The following EDA variants were observed in gnomAD, a reference collection of about 807,000 sequenced individuals.
EDA encodes ectodysplasin A.
In EDA, 2 loss-of-function variants were observed where a neutral mutation model predicts 23.6. The ratio of observed to expected loss-of-function variants is 0.08; its 90% confidence interval spans 0.03 to 0.27. The LOEUF (loss-of-function observed/expected upper bound fraction) is 0.27, where lower values mean the gene tolerates loss of function less well. EDA is among the 10% of genes least tolerant of loss of function. EDA has a pLI of 1.00. For missense variants in EDA, 229 were observed against 324.2 expected (o/e 0.71, Z 2.26); for synonymous variants, 131 against 132.0 (o/e 0.99, Z 0.05).
intron 2 of EDA, among the ~76,000 whole-genome samples, chrX:69,998,332 A>G: frequency 8.9e-6 from 1 of 112,503 alleles, no homozygotes; most frequent in Non-Finnish European, 1.9e-5. Flanking sequence ...TCAGACTTGC[A>G]TGGGGCCTGT....
At chrX:69,960,644 G>T (rs2019085952) in intron 2 of EDA, among the ~76,000 whole-genome samples, 1 of 109,889 alleles carries the variant, frequency 9.1e-6, no homozygotes, top group African/African-American at 3.3e-5. Flanking sequence ...AATCATAGTG[G>T]GGTGAGTTAT....
chrX:69,721,413 T>A lies in EDA; in HGVS notation c.396+104709T>A, dbSNP rs148639915. The stretch of plus-strand genomic sequence containing the variant: ...ATGGAATATTTTGAATCCATAGGGA[T>A]AAAGAGGCTTCTCAGAGCAGGCTGC... On this transcript the variant is annotated intron_variant, in intron 1 of 7. Transcript: ENST00000374552. 5.7e-3 allele frequency among the ~76,000 whole-genome samples: 632 copies of A among 111,414 alleles called. 5 individuals are homozygous for A. The highest frequency in any genetic ancestry group is 9.0e-3 in the Non-Finnish European group (477 of 52,960).
chrX:69,792,915 T>TG (rs1321010019), intron 1 of EDA, among the ~76,000 whole-genome samples: 2 of 112,401 alleles, frequency 1.8e-5, no homozygotes, highest in Non-Finnish European at 3.8e-5. Flanking sequence ...TCCCACTCTG[T>TG]GGGTTTCCTG....
intron 1 of EDA, among the ~76,000 whole-genome samples, chrX:69,936,276 G>C (rs1468520428): frequency 9.0e-6 from 1 of 110,813 alleles, no homozygotes; most frequent in Non-Finnish European, 1.9e-5. Context: ...GCAGATCAAG[G>C]GAAGTGTGCT....
intron 1 of EDA, chrX:69,937,616 C>A (rs2018693303): frequency 8.9e-7 from 1 of 1,122,259 alleles, no homozygotes; most frequent in Non-Finnish European, 1.2e-6. Context: ...CTGCAAAGTA[C>A]TGGGTCTCAA....
intron 1 of EDA, among the ~76,000 whole-genome samples, chrX:69,816,107 A>C (rs752015105): frequency 9.0e-6 from 1 of 111,642 alleles, no homozygotes; most frequent in African/African-American, 3.3e-5. Context: ...GGCAGCCCTG[A>C]GGTAGAGTGG....
In EDA at chrX:70,035,731, C is replaced by T. The variant is rs968850254; in HGVS notation, c.*122C>T. The T allele has an allele frequency of 3.4e-5, 31 of 913,371 alleles. No homozygotes were observed. Among genetic ancestry groups the T allele is most frequent in the Non-Finnish European group, 4.7e-5 (31 of 653,549 alleles). 75.3% of individuals were successfully genotyped at this position (913,371 alleles called of 1,213,427 possible). On this transcript the variant is annotated 3_prime_UTR_variant, in exon 8 of 8. Transcript: ENST00000374552. ...GTGTTGCAGCCGCAGAGAAATGCCC[C>T]AGTGTTATTTATTCCCCAGTGACTC...
At chrX:69,828,906 G>T (rs932442858) in intron 1 of EDA, among the ~76,000 whole-genome samples, 1 of 112,055 alleles carries the variant, frequency 8.9e-6, no homozygotes, top group African/African-American at 3.2e-5. Context: ...TGCCTAAAAT[G>T]TTCTTCTCCT....
chrX:69,706,030 C>T (rs1303160511), intron 1 of EDA, among the ~76,000 whole-genome samples: 1 of 112,148 alleles, frequency 8.9e-6, no homozygotes, highest in Non-Finnish European at 1.9e-5. Context: ...ATTGTAAGAG[C>T]TTCTAATAAG....
chrX:69,787,974 G>A (rs2015255104), intron 1 of EDA, among the ~76,000 whole-genome samples: 1 of 111,244 alleles, frequency 9.0e-6, no homozygotes, highest in Non-Finnish European at 1.9e-5. Flanking sequence ...CATATTTCTT[G>A]GAGGCTTTGT....
chrX:69,868,821 G>A (rs1201017254), intron 1 of EDA, among the ~76,000 whole-genome samples: 1 of 112,348 alleles, frequency 8.9e-6, no homozygotes, highest in Admixed American at 9.4e-5. Context: ...ACCAGGTACC[G>A]GTAGATGTGT....
At chrX:69,645,060 C>CT (rs752571528) in intron 1 of EDA, among the ~76,000 whole-genome samples, 2 of 110,666 alleles carry the variant, frequency 1.8e-5, no homozygotes, top group African/African-American at 6.6e-5. Context: ...CTAACGTTTT[C>CT]TTTTTTTTGT....
intron 1 of EDA, among the ~76,000 whole-genome samples, chrX:69,773,765 G>C (rs1281736976): frequency 9.0e-6 from 1 of 110,855 alleles, no homozygotes; most frequent in East Asian, 2.8e-4. Flanking sequence ...TTTGTGTGTT[G>C]AATTATAAGA....
chrX:69,865,528 G>A (rs1211951594), intron 1 of EDA, among the ~76,000 whole-genome samples: 1 of 111,458 alleles, frequency 9.0e-6, no homozygotes, highest in African/African-American at 3.3e-5. Context: ...ATATTCACTG[G>A]AAGCTGATTA....
intron 1 of EDA, among the ~76,000 whole-genome samples, chrX:69,865,889 C>G (rs962632311): frequency 3.6e-5 from 4 of 112,293 alleles, no homozygotes; most frequent in Non-Finnish European, 5.6e-5. Context: ...GTAAGTCTTA[C>G]GTCACATGAT....
At chrX:69,713,441 T>C (rs1360842477) in intron 1 of EDA, among the ~76,000 whole-genome samples, 1 of 111,466 alleles carries the variant, frequency 9.0e-6, no homozygotes, top group Non-Finnish European at 1.9e-5. Flanking sequence ...CTACCACAGT[T>C]GAGATACAGA....
At chrX:69,667,349 G>A (rs890874655) in intron 1 of EDA, among the ~76,000 whole-genome samples, 6 of 109,477 alleles carry the variant, frequency 5.5e-5, no homozygotes, top group African/African-American at 1.7e-4. Flanking sequence ...TCCTGATCTC[G>A]TGATCCTCCC....
chrX:69,692,918 C>T (rs757396389), intron 1 of EDA: 4 of 111,739 alleles, frequency 3.6e-5, no homozygotes, highest in Non-Finnish European at 7.5e-5. Context: ...TTATTGAGCA[C>T]CTATCATCTG....
chrX:69,783,829 A>G (rs1167709898), intron 1 of EDA, among the ~76,000 whole-genome samples: 6 of 105,244 alleles, frequency 5.7e-5, no homozygotes, highest in Admixed American at 2.0e-4. Flanking sequence ...ACTGGGTCAA[A>G]TGGTATTTCT....
Sources: gnomAD v4.1 joint callset for allele counts (sites outside exome capture counted in the v4.1 genomes callset) on GRCh38, gnomAD v4.1.1 for gene constraint, MANE v1.5 for transcripts, NCBI Gene and HGNC (gene_info 2026-07-23, HGNC 2026-07-21) for gene names.